The following SPATA16 variants were observed in gnomAD, a reference collection of about 807,000 sequenced individuals.
The protein encoded by SPATA16 is spermatogenesis-associated protein 16.
In SPATA16, 36 loss-of-function variants were observed where a neutral mutation model predicts 63.3. That is an observed-to-expected ratio of 0.57 (90% CI 0.44 to 0.75). The LOEUF (loss-of-function observed/expected upper bound fraction) is 0.75. SPATA16 is among the 30% of genes least tolerant of loss of function. The probability of loss-of-function intolerance (pLI) is 0.00; values close to 1 mark genes in which losing one functional copy is unlikely to be tolerated. For synonymous variants in SPATA16, 203 were observed against 216.7 expected (o/e 0.94, Z 0.56); for missense variants, 646 against 679.3 (o/e 0.95, Z 0.54).
At chr3:173,112,894 G>A (rs1737784360) in intron 2 of SPATA16, among the ~76,000 whole-genome samples, 1 of 152,132 alleles carries the variant, frequency 6.6e-6, no homozygotes, top group African/African-American at 2.4e-5. Flanking sequence ...TAATTCAGAA[G>A]GTGGAAGCCT....
At chr3:173,116,509 T>C (rs1370381973) in intron 2 of SPATA16, among the ~76,000 whole-genome samples, 5 of 152,220 alleles carry the variant, frequency 3.3e-5, no homozygotes, top group African/African-American at 1.2e-4. Flanking sequence ...TCCATGGCTA[T>C]TTTTTATGCC....
intron 5 of SPATA16, among the ~76,000 whole-genome samples, chr3:172,973,806 T>G (rs538130284): frequency 5.9e-5 from 9 of 152,200 alleles, no homozygotes; most frequent in African/African-American, 2.2e-4. Flanking sequence ...TGGTACTTTC[T>G]ATTTTGCTAA....
intron 4 of SPATA16, among the ~76,000 whole-genome samples, chr3:172,990,565 C>T (rs894790694): frequency 1.3e-5 from 2 of 152,166 alleles, no homozygotes; most frequent in African/African-American, 4.8e-5. Flanking sequence ...ATTCTCCTAT[C>T]TCTAGCCATA....
chr3:172,909,729 CAAAG>C (rs1560063808), intron 10 of SPATA16, among the ~76,000 whole-genome samples: 2 of 152,174 alleles, frequency 1.3e-5, no homozygotes, highest in African/African-American at 4.8e-5. Context: ...TTGGTCAACT[CAAAG>C]AACTAACTGT....
chr3:173,062,026 AAAT>A (rs1182998263), intron 2 of SPATA16, among the ~76,000 whole-genome samples: 1 of 150,370 alleles, frequency 6.7e-6, no homozygotes, highest in African/African-American at 2.5e-5. Flanking sequence ...CTATTTGTTA[AAAT>A]AGCTGTGCTT....
chr3:173,130,054 A>G (rs1284889595), intron 1 of SPATA16, among the ~76,000 whole-genome samples: 1 of 152,166 alleles, frequency 6.6e-6, no homozygotes, highest in Non-Finnish European at 1.5e-5. Context: ...GGAGACAGGT[A>G]AAGATGAACA....
intron 10 of SPATA16, among the ~76,000 whole-genome samples, chr3:172,901,599 T>A (rs1177781155): frequency 6.6e-6 from 1 of 152,236 alleles, no homozygotes; most frequent in Non-Finnish European, 1.5e-5. Flanking sequence ...TTTGGTGTGA[T>A]GAGTGATCTT....
chr3:173,086,843 T>G (rs1737070079), intron 2 of SPATA16, among the ~76,000 whole-genome samples: 1 of 152,156 alleles, frequency 6.6e-6, no homozygotes, highest in African/African-American at 2.4e-5. Context: ...GTTGCATGGT[T>G]TTGAGTGAGT....
At chr3:173,006,418 G>A (rs1040543240) in intron 4 of SPATA16, among the ~76,000 whole-genome samples, 3 of 152,176 alleles carry the variant, frequency 2.0e-5, no homozygotes, top group Non-Finnish European at 2.9e-5. Context: ...TAATCTATTT[G>A]TAGGCATAAA....
At chr3:173,053,185 G>A (rs1291871825) in intron 2 of SPATA16, among the ~76,000 whole-genome samples, 2 of 152,138 alleles carry the variant, frequency 1.3e-5, no homozygotes, top group African/African-American at 4.8e-5. Flanking sequence ...GCGAAACCCC[G>A]TCTGTACTAA....
At chr3:172,988,093 GT>G (rs1440385031) in intron 4 of SPATA16, among the ~76,000 whole-genome samples, 1 of 152,162 alleles carries the variant, frequency 6.6e-6, no homozygotes, top group South Asian at 2.1e-4. Context: ...GAGGAAAACA[GT>G]TATTAGCCAG....
At chr3:172,901,374 ATTT>A (rs1051748080) in intron 10 of SPATA16, among the ~76,000 whole-genome samples, 2 of 151,892 alleles carry the variant, frequency 1.3e-5, no homozygotes, top group Non-Finnish European at 2.9e-5. Flanking sequence ...TAATTTTTGT[ATTT>A]TTAGTAGAGA....
intron 3 of SPATA16, among the ~76,000 whole-genome samples, chr3:173,028,087 CTCTT>C (rs1267285149): frequency 4.3e-5 from 6 of 140,712 alleles, no homozygotes; most frequent in Non-Finnish European, 7.6e-5. Flanking sequence ...TTCTCTCTCT[CTCTT>C]TCTTTCTTTC....
intron 3 of SPATA16, among the ~76,000 whole-genome samples, chr3:173,041,457 T>C (rs1735838508): frequency 1.3e-5 from 2 of 152,206 alleles, no homozygotes; most frequent in South Asian, 4.1e-4. Flanking sequence ...TGAATGGCAG[T>C]ATCATCAGAA....
intron 4 of SPATA16, among the ~76,000 whole-genome samples, chr3:172,998,821 T>A (rs1244828920): frequency 1.3e-5 from 2 of 152,228 alleles, no homozygotes. Context: ...TCTTCTTCTT[T>A]AGCCTGTTGA....
At chr3:173,110,471 C>T (rs1293173062) in intron 2 of SPATA16, among the ~76,000 whole-genome samples, 2 of 152,150 alleles carry the variant, frequency 1.3e-5, no homozygotes, top group East Asian at 3.8e-4. Context: ...GGATGTTAAA[C>T]AATGTTGGTA....
intron 10 of SPATA16, among the ~76,000 whole-genome samples, chr3:172,909,419 G>T (rs1458803112): frequency 6.6e-6 from 1 of 152,142 alleles, no homozygotes; most frequent in African/African-American, 2.4e-5. Flanking sequence ...TAAGAGGATT[G>T]ATGGTTTCTA....
At chr3:172,956,168 G>C (rs1733588384) in intron 6 of SPATA16, among the ~76,000 whole-genome samples, 1 of 152,014 alleles carries the variant, frequency 6.6e-6, no homozygotes, top group Admixed American at 6.6e-5. Flanking sequence ...ATGAAAAAGG[G>C]GAAAAAACCT....
intron 4 of SPATA16, among the ~76,000 whole-genome samples, chr3:172,991,706 A>G (rs1482902849): frequency 6.6e-6 from 1 of 152,162 alleles, no homozygotes; most frequent in Non-Finnish European, 1.5e-5. Context: ...TGCTTCACAG[A>G]TTATGCAACA....
Sources: allele counts gnomAD v4.1 joint callset (sites outside exome capture counted in the v4.1 genomes callset), GRCh38; gene constraint gnomAD v4.1.1; transcripts MANE v1.5; gene names NCBI Gene and HGNC (gene_info 2026-07-23, HGNC 2026-07-21).